GRXCR1: variants seen among roughly 807,000 people sequenced by gnomAD.
The protein encoded by GRXCR1 is glutaredoxin and cysteine rich domain containing 1.
GRXCR1 carries 27 observed loss-of-function variants against 27.3 expected under a neutral mutation model. The ratio of observed to expected loss-of-function variants is 0.99; its 90% CI spans 0.73 to 1.37. The LOEUF (loss-of-function observed/expected upper bound fraction) is 1.37, where lower values mean the gene tolerates loss of function less well. Among genes scored for constraint, GRXCR1 ranks in the 40% most tolerant of loss-of-function variants. The pLI, the probability that GRXCR1 is intolerant of heterozygous loss-of-function variation, is 0.00. For missense variants in GRXCR1, 379 were observed against 354.4 expected, an observed-to-expected ratio of 1.07 and a Z score of -0.56; for synonymous variants, 122 against 131.1, an observed-to-expected ratio of 0.93 and a Z score of 0.47.
chr4:42,923,083 C>G (rs1161046871), intron 1 of GRXCR1, among the ~76,000 whole-genome samples: 2 of 152,084 alleles, frequency 1.3e-5, no homozygotes, highest in Admixed American at 1.3e-4. Context: ...ACCTCTCAAT[C>G]TTGATGAATG....
intron 2 of GRXCR1, among the ~76,000 whole-genome samples, chr4:43,006,512 G>A (rs1423337514): frequency 1.3e-5 from 2 of 152,148 alleles, no homozygotes; most frequent in African/African-American, 4.8e-5. Flanking sequence ...GACTGCAGGG[G>A]TGAAATAGAC....
At chr4:42,896,218 C>A (rs1746343701) in intron 1 of GRXCR1, among the ~76,000 whole-genome samples, 1 of 152,088 alleles carries the variant, frequency 6.6e-6, no homozygotes, top group South Asian at 2.1e-4. Flanking sequence ...ATATGTCCTG[C>A]AAAAATTTCA....
chr4:42,943,938 G>T (rs144492526), intron 1 of GRXCR1, among the ~76,000 whole-genome samples: 116 of 152,114 alleles, frequency 7.6e-4, no homozygotes, highest in African/African-American at 2.7e-3. Context: ...TTAAAAATGT[G>T]ATCCAAAATA....
At chr4:42,948,963 G>T (rs1747808940) in intron 1 of GRXCR1, among the ~76,000 whole-genome samples, 1 of 152,138 alleles carries the variant, frequency 6.6e-6, no homozygotes, top group Non-Finnish European at 1.5e-5. Flanking sequence ...CCATGAAATT[G>T]TTGAGATAAA....
chr4:42,973,456 G>A (rs1560670486), intron 2 of GRXCR1, among the ~76,000 whole-genome samples: 1 of 150,684 alleles, frequency 6.6e-6, no homozygotes, highest in African/African-American at 2.4e-5. Flanking sequence ...TTTTCATTTT[G>A]GGGGTCCTTG....
intron 1 of GRXCR1, among the ~76,000 whole-genome samples, chr4:42,957,055 AGT>A (rs1285823320): frequency 6.6e-6 from 1 of 152,050 alleles, no homozygotes; most frequent in Non-Finnish European, 1.5e-5. Flanking sequence ...ACATTTGAAG[AGT>A]GTCAAACATG....
At chr4:42,980,160 T>C (rs574960759) in intron 2 of GRXCR1, among the ~76,000 whole-genome samples, 3 of 152,160 alleles carry the variant, frequency 2.0e-5, no homozygotes, top group African/African-American at 7.2e-5. Context: ...CTCATCTTTG[T>C]TAATTTTCTT....
At chr4:42,958,547 G>A (rs1017459765) in intron 1 of GRXCR1, among the ~76,000 whole-genome samples, 4 of 151,804 alleles carry the variant, frequency 2.6e-5, no homozygotes, top group Non-Finnish European at 5.9e-5. Flanking sequence ...GTAATGCAAG[G>A]AAAAATAAAC....
intron 3 of GRXCR1, among the ~76,000 whole-genome samples, chr4:43,027,405 G>A (rs997504974): frequency 5.9e-5 from 9 of 152,068 alleles, no homozygotes; most frequent in Non-Finnish European, 1.3e-4. Context: ...TCTGACAAGG[G>A]GATAAATTAT....
At position 42,925,061 on chromosome 4, in the gene GRXCR1, G is replaced by GA. The variant is rs72330518; in HGVS notation, c.384+31423dup. ...ATGCATTGGCCCTAAGCATGAAAGAGAAAAAAAAAAAAGAAAGCTTATGAG... is the reference window on the plus strand; with the variant it reads ...ATGCATTGGCCCTAAGCATGAAAGAGAAAAAAAAAAAAAGAAAGCTTATGAG... On this transcript the variant is annotated intron_variant, in intron 1 of 3. Coordinates refer to ENST00000399770, the MANE Select transcript of GRXCR1 (RefSeq NM_001080476.3). Among the ~76,000 whole-genome samples the GA allele has an allele frequency of 8.7e-3, 1,215 of 139,558 alleles. 8 individuals carry two copies. The highest frequency in any genetic ancestry group is 0.014 in the Admixed American group (197 of 13,914). The allele number at this position is 139,558 out of a possible 152,430, so 91.6% of individuals were successfully genotyped here.
At chr4:42,947,886 T>G (rs1035985170) in intron 1 of GRXCR1, among the ~76,000 whole-genome samples, 3 of 152,174 alleles carry the variant, frequency 2.0e-5, no homozygotes, top group African/African-American at 7.2e-5. Context: ...GTACATGTAG[T>G]GAAAAAAGAT....
chr4:42,947,058 T>C (rs1747760057), intron 1 of GRXCR1, among the ~76,000 whole-genome samples: 1 of 152,046 alleles, frequency 6.6e-6, no homozygotes, highest in Non-Finnish European at 1.5e-5. Context: ...TTTCATGAAT[T>C]CAAGGTGTAG....
chr4:42,907,979 C>A lies in GRXCR1; in HGVS notation c.384+14329C>A, dbSNP rs974918450. ...ATTCTAGCCATTGGCAATGTAGCAC[C>A]ACATAATAACCACTGGTTTAGGTAT... is the stretch of plus-strand genomic sequence containing the variant. On this transcript the variant is annotated intron_variant, in intron 1 of 3. Coordinates refer to ENST00000399770, the MANE Select transcript of GRXCR1 (RefSeq NM_001080476.3). Among the ~76,000 whole-genome samples the A allele has an allele frequency of 1.2e-4, 18 of 152,120 alleles. 1 individual carries two copies. Among genetic ancestry groups the A allele is most frequent in the Non-Finnish European group, 1.5e-5 (1 of 68,012 alleles).
chr4:43,012,726 T>A (rs1410750099), intron 2 of GRXCR1, among the ~76,000 whole-genome samples: 6 of 152,172 alleles, frequency 3.9e-5, no homozygotes, highest in Admixed American at 6.6e-5. Flanking sequence ...AAGTTATTTG[T>A]CCAAGTTAAT....
At chr4:42,952,462 C>A (rs1015890460) in intron 1 of GRXCR1, among the ~76,000 whole-genome samples, 4 of 152,112 alleles carry the variant, frequency 2.6e-5, no homozygotes, top group African/African-American at 9.7e-5. Context: ...TTTCCATTCA[C>A]TTGACCACCC....
rs115919913 is a variant in GRXCR1 at position 42,900,751 on chromosome 4, A to G, written c.384+7101A>G. Among the ~76,000 whole-genome samples, 1,324 of 152,202 alleles carry G rather than the reference A, an allele frequency of 8.7e-3. 22 individuals carry two copies. The highest frequency in any genetic ancestry group is 0.03 in the African/African-American group (1,254 of 41,532). On this transcript the variant is annotated intron_variant, in intron 1 of 3. Transcript: ENST00000399770. Reference sequence around the variant, plus strand: ...GAGACTAACGAGGGTCATCTTAGTTAAAAAGGGGACAAGAGCTGGGTGGTC... The same window carrying G: ...GAGACTAACGAGGGTCATCTTAGTTGAAAAGGGGACAAGAGCTGGGTGGTC...
intron 2 of GRXCR1, among the ~76,000 whole-genome samples, chr4:42,986,212 C>A (rs747872424): frequency 7.2e-5 from 11 of 152,126 alleles, no homozygotes; most frequent in Non-Finnish European, 1.5e-4. Context: ...TATGTTTGGT[C>A]CTGATGGTGC....
At chr4:42,982,453 C>A in intron 2 of GRXCR1, among the ~76,000 whole-genome samples, 1 of 116,086 alleles carries the variant, frequency 8.6e-6, no homozygotes, top group Non-Finnish European at 1.7e-5. Flanking sequence ...TCCAGTCTAT[C>A]ATTGTTGGAC....
chr4:42,969,198 T>C (rs1453138642), intron 2 of GRXCR1, among the ~76,000 whole-genome samples: 2 of 152,192 alleles, frequency 1.3e-5, no homozygotes, highest in African/African-American at 4.8e-5. Flanking sequence ...TGTTATGTTT[T>C]GAAAGTGTTC....
Sources: allele counts gnomAD v4.1 joint callset (sites outside exome capture counted in the v4.1 genomes callset), GRCh38; gene constraint gnomAD v4.1.1; transcripts MANE v1.5; gene names NCBI Gene and HGNC (gene_info 2026-07-23, HGNC 2026-07-21).